The following IGSF3 variants were observed in gnomAD, a reference collection of about 807,000 sequenced individuals.
The protein encoded by IGSF3 is immunoglobulin superfamily member 3.
In IGSF3, 23 loss-of-function variants were observed where a neutral mutation model predicts 114.4. The observed-to-expected ratio is 0.20, with a 90% CI of 0.14 to 0.28. The LOEUF is 0.28. Ranked by LOEUF, IGSF3 falls within the 10% of genes least tolerant of loss-of-function variation. The pLI, the probability that IGSF3 is intolerant of heterozygous loss-of-function variation, is 1.00. For synonymous variants in IGSF3, 571 were observed against 645.2 expected (o/e 0.88, Z 1.74); for missense variants, 1,172 against 1,591.5 (o/e 0.74, Z 4.48).
At chr1:116,641,891 C>G (rs1363101733) in intron 2 of IGSF3, among the ~76,000 whole-genome samples, 1 of 151,406 alleles carries the variant, frequency 6.6e-6, no homozygotes, top group Admixed American at 6.6e-5. Context: ...TTCTGTAGCC[C>G]AGGCTGGAGT....
rs1307702648 is a variant in IGSF3 at position 116,648,181 on chromosome 1, G to A, written c.43+18103C>T. On this transcript the variant is annotated intron_variant, in intron 2 of 10. Coordinates refer to ENST00000369486, the MANE Select transcript of IGSF3 (RefSeq NM_001007237.3). The surrounding 1 kb of genome is among the most constrained non-coding windows in gnomAD (Gnocchi z 4.7). Reference sequence around the variant, plus strand: ...ACTGATCTGATGACACCCCAGTTTTGTAGAAGAGGAAGGAAAAATAAGAAT... The same window carrying A: ...ACTGATCTGATGACACCCCAGTTTTATAGAAGAGGAAGGAAAAATAAGAAT... Among the ~76,000 whole-genome samples the A allele has an allele frequency of 3.9e-5, 6 of 152,186 alleles. No homozygotes were observed. The highest frequency in any genetic ancestry group is 1.4e-4 in the African/African-American group (6 of 41,438).
intron 7 of IGSF3, among the ~76,000 whole-genome samples, chr1:116,590,345 C>T (rs889074596): frequency 6.6e-6 from 1 of 151,842 alleles, no homozygotes; most frequent in African/African-American, 2.4e-5. Flanking sequence ...CATTCCCCTA[C>T]CCAAGCCTTT....
intron 2 of IGSF3, among the ~76,000 whole-genome samples, chr1:116,631,284 C>T (rs1390438406): frequency 4.2e-5 from 6 of 143,694 alleles, no homozygotes; most frequent in Non-Finnish European, 7.5e-5. Context: ...CACCACTGCA[C>T]TCCAGCCTGG....
chr1:116,656,253 T>C (rs1648841063), intron 2 of IGSF3, among the ~76,000 whole-genome samples: 1 of 149,852 alleles, frequency 6.7e-6, no homozygotes, highest in Admixed American at 6.6e-5. Context: ...ATAAGGAGCA[T>C]AGACAAGGAG....
In IGSF3 at chr1:116,629,093, A is replaced by G. The variant is rs142221331; in HGVS notation, c.44-12636T>C. On this transcript the variant is annotated intron_variant, in intron 2 of 10. Coordinates refer to ENST00000369486, the MANE Select transcript of IGSF3 (RefSeq NM_001007237.3). The surrounding 1 kb of genome is among the most constrained non-coding windows in gnomAD (Gnocchi z 4.3). Reference sequence around the variant, plus strand: ...ACTATACCATAGGGGGGTGGGTCACAAAAGCAGGAAAAGGTCCCCAAACAA... The same window carrying G: ...ACTATACCATAGGGGGGTGGGTCACGAAAGCAGGAAAAGGTCCCCAAACAA... Among the ~76,000 whole-genome samples, 75 of 152,354 alleles carry G rather than the reference A, an allele frequency of 4.9e-4. 1 individual carries two copies. Among genetic ancestry groups the G allele is most frequent in the African/African-American group, 1.7e-3 (70 of 41,572 alleles).
In IGSF3 at chr1:116,583,476, G is replaced by A. The variant is rs1299078056; in HGVS notation, c.2848+1169C>T. Among the ~76,000 whole-genome samples, 2 of 152,230 alleles carry A rather than the reference G, an allele frequency of 1.3e-5. No homozygotes were observed. Among genetic ancestry groups the A allele is most frequent in the Non-Finnish European group, 2.9e-5 (2 of 68,040 alleles). On this transcript the variant is annotated intron_variant, in intron 9 of 10. Coordinates refer to ENST00000369486, the MANE Select transcript of IGSF3 (RefSeq NM_001007237.3). The surrounding 1 kb of genome is among the most constrained non-coding windows in gnomAD (Gnocchi z 4.5). ...CATTTCCTATAACCAAGGCTGCAGT[G>A]CCTCCCTGAAGCATGTTCCATGACA...
intron 4 of IGSF3, among the ~76,000 whole-genome samples, 184 bp from the exon 5 acceptor site, chr1:116,608,515 C>T (rs1470111932): frequency 2.6e-5 from 4 of 152,112 alleles, no homozygotes; most frequent in Non-Finnish European, 4.4e-5. Context: ...TCCAGAGAAA[C>T]GCCTGAATAT....
rs563993405 is a variant in IGSF3, at chr1:116,606,961, G to A, written c.1222+981C>T. Among the ~76,000 whole-genome samples, 4 of 152,310 alleles carry A rather than the reference G, an allele frequency of 2.6e-5. No individual in the cohort carries two copies. The South Asian group carries it at 6.2e-4, about 24-fold the overall frequency. On this transcript the variant is annotated intron_variant, in intron 5 of 10. Transcript: ENST00000369486. ...TCCAGTTGATGAGAAAAGAAGAAAA[G>A]ACTGACAAGAGGACCGCTGTGGCTA...
chr1:116,629,431 C>T lies in IGSF3; in HGVS notation c.44-12974G>A, dbSNP rs181460240. Among the ~76,000 whole-genome samples, 25 of 152,258 alleles carry T rather than the reference C, an allele frequency of 1.6e-4. No individual in the cohort carries two copies. The highest frequency in any genetic ancestry group is 6.0e-4 in the African/African-American group (25 of 41,526). ...GTATTCCATAGTCTGAATGAATTAGCTTCATAATTAGGACCAACAGTCATA... is the reference window on the plus strand; with the variant it reads ...GTATTCCATAGTCTGAATGAATTAGTTTCATAATTAGGACCAACAGTCATA... On this transcript the variant is annotated intron_variant, in intron 2 of 10. Transcript: ENST00000369486. This position sits in a 1 kb window ranked among gnomAD's most constrained non-coding sequence, Gnocchi z 4.3.
intron 2 of IGSF3, among the ~76,000 whole-genome samples, chr1:116,622,429 T>TA (rs1661454026): frequency 1.3e-5 from 2 of 151,678 alleles, no homozygotes; most frequent in South Asian, 2.1e-4. Flanking sequence ...TAAGTTTGGG[T>TA]AAAAAATGCA....
rs1341891799 is a variant in IGSF3, at chr1:116,632,758, A to G, written c.44-16301T>C. Among the ~76,000 whole-genome samples, 1 of 152,228 alleles carries G rather than the reference A, an allele frequency of 6.6e-6. No individual in the cohort carries two copies. Among genetic ancestry groups the G allele is most frequent in the African/African-American group, 2.4e-5 (1 of 41,452 alleles). On this transcript the variant is annotated intron_variant, in intron 2 of 10. Coordinates refer to ENST00000369486, the MANE Select transcript of IGSF3 (RefSeq NM_001007237.3). The surrounding 1 kb of genome is among the most constrained non-coding windows in gnomAD (Gnocchi z 5.1). ...CAGCCCACAGAGCCTGGCCTGGAGC[A>G]TGAGGGAGAACCACAGCCAACTCCA...
chr1:116,577,978 GACAC>G lies in IGSF3; in HGVS notation c.3335-420_3335-417del, dbSNP rs1260752349. Among the ~76,000 whole-genome samples, 1 of 152,156 alleles carries G rather than the reference GACAC, an allele frequency of 6.6e-6. No individual in the cohort carries two copies. Among genetic ancestry groups the G allele is most frequent in the African/African-American group, 2.4e-5 (1 of 41,440 alleles). On this transcript the variant is annotated intron_variant, in intron 10 of 10. Coordinates refer to ENST00000369486, the MANE Select transcript of IGSF3 (RefSeq NM_001007237.3). This position sits in a 1 kb window ranked among gnomAD's most constrained non-coding sequence, Gnocchi z 5.7. ...TACAGACTTCCTTCTCTGGGATTAT[GACAC>G]AATCCCTTCCTGCCAGCTTCTGAGA...
In IGSF3 at chr1:116,627,651, T is replaced by C. The variant is rs543782352; in HGVS notation, c.44-11194A>G. On this transcript the variant is annotated intron_variant, in intron 2 of 10. Coordinates refer to ENST00000369486, the MANE Select transcript of IGSF3 (RefSeq NM_001007237.3). The surrounding 1 kb of genome is among the most constrained non-coding windows in gnomAD (Gnocchi z 4.7). ...TGTCAGCTACCAGGCAGCAGAGGGATGCGGGGCGCCAACAGCAAAAGCACT... is the reference window on the plus strand; with the variant it reads ...TGTCAGCTACCAGGCAGCAGAGGGACGCGGGGCGCCAACAGCAAAAGCACT... 4.6e-5 allele frequency among the ~76,000 whole-genome samples: 7 copies of C among 152,318 alleles called. No homozygotes were observed. The highest frequency in any genetic ancestry group is 1.7e-4 in the African/African-American group (7 of 41,574).
Position 116,607,502 on chromosome 1 carries a change from T to A in IGSF3, c.1222+440A>T, listed in dbSNP as rs989814232. Among the ~76,000 whole-genome samples, 9 of 152,214 alleles carry A rather than the reference T, an allele frequency of 5.9e-5. No individual in the cohort carries two copies. Among genetic ancestry groups the A allele is most frequent in the African/African-American group, 1.9e-4 (8 of 41,454 alleles). ...GATGGCAAATCCTTAATAATGCACT[T>A]TATGATTTAAAATCCTCCCATAAAA... On this transcript the variant is annotated intron_variant, in intron 5 of 10. Coordinates refer to ENST00000369486, the MANE Select transcript of IGSF3 (RefSeq NM_001007237.3). This position sits in a 1 kb window ranked among gnomAD's most constrained non-coding sequence, Gnocchi z 6.1.
chr1:116,620,873 TG>T (rs1661394017), intron 2 of IGSF3, among the ~76,000 whole-genome samples: 1 of 152,210 alleles, frequency 6.6e-6, no homozygotes, highest in African/African-American at 2.4e-5. Context: ...CCTGAGTATC[TG>T]GGACCACCAG....
intron 7 of IGSF3, 43 bp downstream of exon 7, chr1:116,599,898 T>G: frequency 6.4e-7 from 1 of 1,569,788 alleles, no homozygotes; most frequent in Non-Finnish European, 8.7e-7. Context: ...TCACGTCTGC[T>G]CAGGCAGCAT....
chr1:116,585,134 A>C lies in IGSF3; in HGVS notation c.2441-82T>G, dbSNP rs2101334559. ...ACCCTTTCCCAGGGTAGGTGAATGG[A>C]TGCCTTCCAAATACAGAAGGACGGC... is the stretch of plus-strand genomic sequence containing the variant. On this transcript the variant is annotated intron_variant, in intron 8 of 10. Coordinates refer to ENST00000369486, the MANE Select transcript of IGSF3 (RefSeq NM_001007237.3). The surrounding 1 kb of genome is among the most constrained non-coding windows in gnomAD (Gnocchi z 4.9). 9.3e-7 allele frequency: 1 copy of C among 1,075,264 alleles called. No homozygotes were observed. Among genetic ancestry groups the C allele is most frequent in the East Asian group, 2.4e-5 (1 of 41,294 alleles). 66.6% of individuals were successfully genotyped at this position (1,075,264 alleles called of 1,614,324 possible). A position where few individuals can be genotyped will look rare whatever the true frequency, so the allele number is the denominator to read the frequency against.
rs1571142568 is a variant in IGSF3, at chr1:116,600,942, T to C, written c.1625-597A>G. ...CAGGGTTCTGCAGGCTCAGCGGCTG[T>C]GGGTCTCTCAATATTCCTTATTGAA... On this transcript the variant is annotated intron_variant, in intron 6 of 10. Transcript: ENST00000369486. This position sits in a 1 kb window ranked among gnomAD's most constrained non-coding sequence, Gnocchi z 5.5. 6.6e-6 allele frequency among the ~76,000 whole-genome samples: 1 copy of C among 152,178 alleles called. No individual in the cohort carries two copies. The highest frequency in any genetic ancestry group is 1.5e-5 in the Non-Finnish European group (1 of 68,038).
At chr1:116,587,740 G>A (rs984004961) in intron 8 of IGSF3, among the ~76,000 whole-genome samples, 7 of 152,170 alleles carry the variant, frequency 4.6e-5, no homozygotes, top group African/African-American at 1.4e-4. Context: ...ATGGAGTGAA[G>A]ACAAGGGAGA....
Sources: allele counts gnomAD v4.1 joint callset (sites outside exome capture counted in the v4.1 genomes callset), GRCh38; gene constraint gnomAD v4.1.1; non-coding constraint Gnocchi (gnomAD v3.1); transcripts MANE v1.5; gene names NCBI Gene and HGNC (gene_info 2026-07-23, HGNC 2026-07-21).